The following RABGEF1 variants were observed in gnomAD, a reference collection of about 807,000 sequenced individuals.
RABGEF1 encodes RAB guanine nucleotide exchange factor 1.
In RABGEF1, 26 loss-of-function variants were observed where a neutral mutation model predicts 57.3. The observed-to-expected ratio is 0.45, with a 90% CI of 0.33 to 0.63. The LOEUF (loss-of-function observed/expected upper bound fraction) is 0.63. RABGEF1 is among the 20% of genes least tolerant of loss of function. The pLI is 0.02. For synonymous variants in RABGEF1, 185 were observed against 210.7 expected (o/e 0.88, Z 1.06); for missense variants, 464 against 607.6 (o/e 0.76, Z 2.48).
chr7:66,804,155 C>A (rs1787926949), intron 7 of RABGEF1, among the ~76,000 whole-genome samples: 1 of 151,150 alleles, frequency 6.6e-6, no homozygotes, highest in South Asian at 2.1e-4. Context: ...ATGATCGTAG[C>A]TCACTGCAGC....
intron 2 of RABGEF1, among the ~76,000 whole-genome samples, chr7:66,729,724 C>T (rs1451243590): frequency 6.6e-6 from 1 of 152,242 alleles, no homozygotes. Flanking sequence ...CTAAATACTT[C>T]TTAATAACCA....
At chr7:66,691,397 A>G (rs1791493732) in intron 1 of RABGEF1, among the ~76,000 whole-genome samples, 1 of 152,240 alleles carries the variant, frequency 6.6e-6, no homozygotes, top group South Asian at 2.1e-4. Context: ...AGAAGAGTGG[A>G]AAATAAATGA....
At chr7:66,711,559 T>A (rs1285566348) in intron 1 of RABGEF1, among the ~76,000 whole-genome samples, 1 of 152,098 alleles carries the variant, frequency 6.6e-6, no homozygotes, top group Non-Finnish European at 1.5e-5. Flanking sequence ...GTTGGCTGTA[T>A]TTCTGTGGGT....
At chr7:66,676,270 G>A in the RABGEF1 span, among the ~76,000 whole-genome samples, 8 of 151,544 alleles carry the variant, frequency 5.3e-5, no homozygotes, top group African/African-American at 1.2e-4. Flanking sequence ...GTGACAGAGC[G>A]AGACTTCGTT....
intron 7 of RABGEF1, among the ~76,000 whole-genome samples, chr7:66,801,355 A>G (rs531370331): frequency 1.3e-5 from 2 of 152,202 alleles, no homozygotes; most frequent in Non-Finnish European, 2.9e-5. Flanking sequence ...AATGGGGTCC[A>G]TCCTCTGAAG....
chr7:66,759,908 C>T (rs768953902), intron 1 of RABGEF1, among the ~76,000 whole-genome samples: 9 of 152,170 alleles, frequency 5.9e-5, no homozygotes, highest in Admixed American at 5.2e-4. Flanking sequence ...AACTGATCAC[C>T]GTTACAGCAA....
intron 1 of RABGEF1, among the ~76,000 whole-genome samples, chr7:66,684,493 C>T (rs573772880): frequency 3.3e-5 from 5 of 152,220 alleles, no homozygotes; most frequent in African/African-American, 7.2e-5. Context: ...CTCTATCTGT[C>T]GTCCAGGTTG....
chr7:66,681,572 A>G (rs999335866), upstream of RABGEF1, among the ~76,000 whole-genome samples: 7 of 70,974 alleles, frequency 9.9e-5, no homozygotes, highest in African/African-American at 3.3e-4. Context: ...CTGATTTGTA[A>G]AATTTCTTTT....
chr7:66,684,589 G>A (rs1790311561), intron 1 of RABGEF1, among the ~76,000 whole-genome samples: 1 of 152,134 alleles, frequency 6.6e-6, no homozygotes, highest in Non-Finnish European at 1.5e-5. Context: ...CAAGTAGCTG[G>A]GAACACAGGC....
upstream of RABGEF1, among the ~76,000 whole-genome samples, chr7:66,681,271 A>G (rs1205492358): frequency 1.3e-5 from 2 of 152,186 alleles, no homozygotes; most frequent in South Asian, 4.1e-4. Flanking sequence ...GCATGTAGCT[A>G]CTGTTTTTAA....
upstream of RABGEF1, among the ~76,000 whole-genome samples, chr7:66,737,158 GGCTT>G (rs1798086282): frequency 6.6e-6 from 1 of 151,598 alleles, no homozygotes; most frequent in Admixed American, 6.6e-5. Context: ...TCAAGCTCCT[GGCTT>G]TAGGCAATCC....
chr7:66,727,511 G>A (rs62466795), intron 2 of RABGEF1, among the ~76,000 whole-genome samples: 5,988 of 152,346 alleles, frequency 0.039, 163 homozygotes, highest in East Asian at 0.085. Context: ...GACCCCCAGG[G>A]ATCTTCCTCC....
At chr7:66,775,896 G>A (rs1808417758) in intron 3 of RABGEF1, among the ~76,000 whole-genome samples, 1 of 152,146 alleles carries the variant, frequency 6.6e-6, no homozygotes. Context: ...CTCTTGGGGG[G>A]ATGAAAGTGA....
chr7:66,747,864 G>C (rs1800601343), intron 1 of RABGEF1, among the ~76,000 whole-genome samples: 2 of 152,058 alleles, frequency 1.3e-5, no homozygotes, highest in South Asian at 2.1e-4. Context: ...TTCCAGAAAG[G>C]GTTTGTAATG....
intron 4 of RABGEF1, among the ~76,000 whole-genome samples, chr7:66,789,167 T>G (rs1056170965): frequency 2.6e-5 from 4 of 152,150 alleles, no homozygotes; most frequent in African/African-American, 9.7e-5. Flanking sequence ...CAAGGAGTAG[T>G]TTGCCCTGCC....
intron 5 of RABGEF1, 134 bp downstream of exon 5, chr7:66,795,726 G>T: frequency 1.2e-6 from 1 of 811,318 alleles, no homozygotes. Flanking sequence ...GACATTCTGG[G>T]AACTGGTCTT....
the RABGEF1 span, among the ~76,000 whole-genome samples, chr7:66,670,572 C>T: frequency 3.7e-4 from 56 of 151,084 alleles, no homozygotes; most frequent in South Asian, 0.011. Context: ...TAGCTGGGCG[C>T]GGTGGCTCAC....
intron 2 of RABGEF1, among the ~76,000 whole-genome samples, chr7:66,718,623 T>C (rs952166200): frequency 6.6e-6 from 1 of 152,106 alleles, no homozygotes; most frequent in Non-Finnish European, 1.5e-5. Context: ...CTACCTGCAC[T>C]CCGTGAGCTG....
At chr7:66,800,371 A>T (rs1562879149) in intron 7 of RABGEF1, among the ~76,000 whole-genome samples, 1 of 152,122 alleles carries the variant, frequency 6.6e-6, no homozygotes. Flanking sequence ...TGCTCCAGGC[A>T]TTCTCTGCTG....
Sources: gnomAD v4.1 joint callset for allele counts (sites outside exome capture counted in the v4.1 genomes callset) on GRCh38, gnomAD v4.1.1 for gene constraint, MANE v1.5 for transcripts, NCBI Gene and HGNC (gene_info 2026-07-23, HGNC 2026-07-21) for gene names.